ZNF385D: variants seen among roughly 807,000 people sequenced by gnomAD.
ZNF385D encodes zinc finger protein 385D.
ZNF385D carries 15 observed loss-of-function variants against 35.8 expected under a neutral mutation model. The ratio of observed to expected loss-of-function variants is 0.42; its 90% CI spans 0.28 to 0.64. The LOEUF is 0.64. Among genes scored for constraint, ZNF385D ranks in the 30% least tolerant of loss-of-function variants. The pLI is 0.23. For missense variants in ZNF385D, 474 were observed against 494.6 expected (o/e 0.96, Z 0.39); for synonymous variants, 212 against 186.8 (o/e 1.13, Z -1.10).
intron 3 of ZNF385D, among the ~76,000 whole-genome samples, chr3:21,941,740 G>T (rs1028750139): frequency 2.0e-5 from 3 of 151,744 alleles, no homozygotes; most frequent in African/African-American, 7.3e-5. Flanking sequence ...CTCGTGATCC[G>T]CCCACCTCGG....
At chr3:21,775,679 C>T (rs866477920) in intron 3 of ZNF385D, among the ~76,000 whole-genome samples, 1 of 151,642 alleles carries the variant, frequency 6.6e-6, no homozygotes, top group Non-Finnish European at 1.5e-5. Context: ...TTTGTATTCC[C>T]CCAAATTAAA....
At chr3:22,333,599 A>T (rs1443628661) in intron 2 of ZNF385D, among the ~76,000 whole-genome samples, 2 of 152,158 alleles carry the variant, frequency 1.3e-5, no homozygotes, top group Non-Finnish European at 2.9e-5. Context: ...TTTCAGCCCT[A>T]AAATCTCCCA....
intron 2 of ZNF385D, among the ~76,000 whole-genome samples, chr3:21,569,736 T>G (rs2063269994): frequency 6.6e-6 from 1 of 151,780 alleles, no homozygotes; most frequent in Non-Finnish European, 1.5e-5. Context: ...CCATAAAAAA[T>G]GATGAGTTCA....
intron 3 of ZNF385D, among the ~76,000 whole-genome samples, chr3:21,769,875 G>T (rs1339945714): frequency 7.3e-5 from 11 of 151,232 alleles, no homozygotes; most frequent in Non-Finnish European, 8.8e-5. Flanking sequence ...CATGGTACTG[G>T]TACCAAAACA....
At chr3:21,834,790 C>T (rs1575744598) in intron 3 of ZNF385D, among the ~76,000 whole-genome samples, 1 of 131,326 alleles carries the variant, frequency 7.6e-6, no homozygotes, top group Non-Finnish European at 1.6e-5. Context: ...GGCAGTTCCC[C>T]CATGCTGTTT....
At chr3:22,289,028 G>C (rs1012370181) in intron 2 of ZNF385D, among the ~76,000 whole-genome samples, 3 of 152,096 alleles carry the variant, frequency 2.0e-5, no homozygotes, top group African/African-American at 7.2e-5. Flanking sequence ...TCTAGATGCA[G>C]CTGGAAAGGT....
chr3:21,771,516 A>G (rs2071077556), intron 3 of ZNF385D, among the ~76,000 whole-genome samples: 1 of 151,970 alleles, frequency 6.6e-6, no homozygotes, highest in South Asian at 2.1e-4. Flanking sequence ...AATTGTTCCT[A>G]AAAAAGACTT....
chr3:21,598,578 A>T (rs2064190594), intron 2 of ZNF385D, among the ~76,000 whole-genome samples: 1 of 152,196 alleles, frequency 6.6e-6, no homozygotes, highest in South Asian at 2.1e-4. Context: ...TCTGCCCAAC[A>T]GACAAAAGGC....
intron 4 of ZNF385D, among the ~76,000 whole-genome samples, chr3:21,468,075 A>G (rs1703629539): frequency 6.6e-6 from 1 of 152,176 alleles, no homozygotes; most frequent in Admixed American, 6.5e-5. Flanking sequence ...TTCCATTTCT[A>G]GGTATTTACC....
At chr3:21,817,452 T>C (rs1325459810) in intron 3 of ZNF385D, among the ~76,000 whole-genome samples, 1 of 152,000 alleles carries the variant, frequency 6.6e-6, no homozygotes, top group Admixed American at 6.5e-5. Flanking sequence ...AGGGCTAATA[T>C]CCAGAATCTA....
At chr3:22,156,570 G>A (rs1169774359) in intron 3 of ZNF385D, among the ~76,000 whole-genome samples, 2 of 152,044 alleles carry the variant, frequency 1.3e-5, no homozygotes, top group Non-Finnish European at 2.9e-5. Flanking sequence ...ACTTTGATGA[G>A]TCTCTTGGGC....
intron 2 of ZNF385D, among the ~76,000 whole-genome samples, chr3:21,626,833 A>G (rs146641843): frequency 6.6e-6 from 1 of 152,168 alleles, no homozygotes; most frequent in African/African-American, 2.4e-5. Context: ...CAAGTGTGTT[A>G]GAATTTATAA....
intron 2 of ZNF385D, among the ~76,000 whole-genome samples, chr3:22,347,370 A>T (rs957591436): frequency 1.3e-5 from 2 of 152,160 alleles, no homozygotes; most frequent in Non-Finnish European, 2.9e-5. Context: ...TTGAGTTTTG[A>T]TCTATACAGT....
At chr3:21,881,022 C>A (rs1391047520) in intron 3 of ZNF385D, among the ~76,000 whole-genome samples, 1 of 151,900 alleles carries the variant, frequency 6.6e-6, no homozygotes, top group African/African-American at 2.4e-5. Flanking sequence ...CTGAAGCTAA[C>A]AGGGGTTGGT....
chr3:21,868,097 G>A (rs556850071), intron 3 of ZNF385D, among the ~76,000 whole-genome samples: 1 of 152,198 alleles, frequency 6.6e-6, no homozygotes, highest in East Asian at 1.9e-4. Flanking sequence ...GTTAAGAAAT[G>A]TACAAGCATT....
intron 3 of ZNF385D, among the ~76,000 whole-genome samples, chr3:21,898,042 T>C (rs1699221840): frequency 6.6e-6 from 1 of 152,174 alleles, no homozygotes; most frequent in Admixed American, 6.5e-5. Flanking sequence ...GACTAAATCA[T>C]GTGCACTGGG....
intron 3 of ZNF385D, among the ~76,000 whole-genome samples, chr3:22,036,936 C>A (rs1398647389): frequency 1.4e-5 from 2 of 142,120 alleles, no homozygotes; most frequent in African/African-American, 5.3e-5. Context: ...TTGTTCAATT[C>A]CCACCTATGA....
chr3:21,421,522 GC>G, intron 7 of ZNF385D, 75 bp from the exon 8 acceptor site: 1 of 1,065,684 alleles, frequency 9.4e-7, no homozygotes, highest in Non-Finnish European at 1.4e-6. Flanking sequence ...ATGGCAGGGA[GC>G]TTTTAAAATA....
At chr3:22,372,297 T>A (rs550297201) in intron 2 of ZNF385D, among the ~76,000 whole-genome samples, 1 of 152,162 alleles carries the variant, frequency 6.6e-6, no homozygotes, top group African/African-American at 2.4e-5. Context: ...TGGTCCAAGG[T>A]CTGGGCGGTG....
Sources: allele counts gnomAD v4.1 joint callset (sites outside exome capture counted in the v4.1 genomes callset), GRCh38; gene constraint gnomAD v4.1.1; transcripts MANE v1.5; gene names NCBI Gene and HGNC (gene_info 2026-07-23, HGNC 2026-07-21).